AKR1C8: variants seen among roughly 807,000 people sequenced by gnomAD.
The protein encoded by AKR1C8 is aldo-keto reductase family 1 member C-like protein 1.
chr10:5,135,154 C>CA, the AKR1C8 span: 1 of 223,450 alleles, frequency 4.5e-6, no homozygotes, highest in Admixed American at 4.2e-5. Flanking sequence ...TCTGGAGGTA[C>CA]ACAGGTGCCA....
the AKR1C8 span, among the ~76,000 whole-genome samples, chr10:5,137,094 C>T: frequency 0.032 from 4,800 of 152,106 alleles, 257 homozygotes; most frequent in African/African-American, 0.11. Flanking sequence ...TTAATTTAAA[C>T]ATTTTTTGTT....
the AKR1C8 span, among the ~76,000 whole-genome samples, chr10:5,137,566 C>G: frequency 6.6e-6 from 1 of 152,158 alleles, no homozygotes; most frequent in East Asian, 1.9e-4. Context: ...ATGCTAAAAA[C>G]TCTCAATAAA....
At chr10:5,141,910 G>A in the AKR1C8 span, among the ~76,000 whole-genome samples, 1 of 152,100 alleles carries the variant, frequency 6.6e-6, no homozygotes, top group East Asian at 1.9e-4. Context: ...ACTAACACAA[G>A]AGTCAGCCTG....
the AKR1C8 span, among the ~76,000 whole-genome samples, chr10:5,136,490 T>A: frequency 6.6e-6 from 1 of 152,138 alleles, no homozygotes; most frequent in Non-Finnish European, 1.5e-5. Context: ...GAGGCTACAG[T>A]GAGCCAAGGT....
chr10:5,181,216 A>G, the AKR1C8 span, among the ~76,000 whole-genome samples: 404 of 152,326 alleles, frequency 2.7e-3, 1 homozygote, highest in African/African-American at 9.1e-3. Context: ...ATCTCATCTC[A>G]TTGTCAAATT....
the AKR1C8 span, among the ~76,000 whole-genome samples, chr10:5,139,944 T>C: frequency 3.3e-5 from 5 of 151,324 alleles, no homozygotes; most frequent in African/African-American, 1.2e-4. Flanking sequence ...TTAAACAAAT[T>C]CACAAGAAAA....
At chr10:5,145,497 C>T in the AKR1C8 span, among the ~76,000 whole-genome samples, 1 of 151,514 alleles carries the variant, frequency 6.6e-6, no homozygotes, top group South Asian at 2.1e-4. Context: ...AACAAATTTA[C>T]AAGAAAAAAA....
the AKR1C8 span, among the ~76,000 whole-genome samples, chr10:5,183,956 T>C: frequency 6.6e-6 from 1 of 152,222 alleles, no homozygotes; most frequent in African/African-American, 2.4e-5. Context: ...TAGGAAAGTC[T>C]CTTTTTCTTT....
chr10:5,128,361 C>T, the AKR1C8 span, among the ~76,000 whole-genome samples: 1 of 151,998 alleles, frequency 6.6e-6, no homozygotes, highest in Non-Finnish European at 1.5e-5. Flanking sequence ...TCCTATAAAA[C>T]AATAACACAA....
At chr10:5,168,510 C>A in the AKR1C8 span, among the ~76,000 whole-genome samples, 1 of 152,004 alleles carries the variant, frequency 6.6e-6, no homozygotes, top group African/African-American at 2.4e-5. Flanking sequence ...AGACCTTAAA[C>A]AACTAGAGGG....
At chr10:5,161,779 G>C in the AKR1C8 span, 1 of 534,720 alleles carries the variant, frequency 1.9e-6, no homozygotes, top group Non-Finnish European at 3.8e-6. Flanking sequence ...TGGAAACCAA[G>C]CTAGAATTAG....
chr10:5,118,011 A>G, the AKR1C8 span, among the ~76,000 whole-genome samples: 9 of 152,238 alleles, frequency 5.9e-5, no homozygotes, highest in African/African-American at 2.2e-4. Context: ...TTCTTCTTAC[A>G]CGCAAAATGT....
chr10:5,136,614 G>T, the AKR1C8 span, among the ~76,000 whole-genome samples: 1 of 152,140 alleles, frequency 6.6e-6, no homozygotes, highest in Non-Finnish European at 1.5e-5. Flanking sequence ...TGTGTAAAAT[G>T]ATATCTTAAT....
At chr10:5,138,807 A>G in the AKR1C8 span, among the ~76,000 whole-genome samples, 1 of 152,114 alleles carries the variant, frequency 6.6e-6, no homozygotes, top group Admixed American at 6.6e-5. Flanking sequence ...CATAGGAGCA[A>G]GAGAAATCAG....
At chr10:5,171,061 ATTAAT>A in the AKR1C8 span, among the ~76,000 whole-genome samples, 3 of 152,140 alleles carry the variant, frequency 2.0e-5, no homozygotes, top group African/African-American at 2.4e-5. Flanking sequence ...TTAGCTTCCT[ATTAAT>A]TTAATTTATG....
the AKR1C8 span, among the ~76,000 whole-genome samples, chr10:5,150,412 T>C: frequency 6.6e-6 from 1 of 151,874 alleles, no homozygotes; most frequent in Non-Finnish European, 1.5e-5. Context: ...GAATATATAC[T>C]AAGATATATC....
the AKR1C8 span, among the ~76,000 whole-genome samples, chr10:5,176,966 T>C: frequency 6.6e-6 from 1 of 152,128 alleles, no homozygotes; most frequent in African/African-American, 2.4e-5. Flanking sequence ...GAATACCCTT[T>C]ATTTCCTTCT....
At chr10:5,117,044 T>A in the AKR1C8 span, among the ~76,000 whole-genome samples, 1 of 152,148 alleles carries the variant, frequency 6.6e-6, no homozygotes, top group Non-Finnish European at 1.5e-5. Flanking sequence ...AGAACAGTTT[T>A]TACATTTTTA....
the AKR1C8 span, among the ~76,000 whole-genome samples, chr10:5,128,410 A>G: frequency 6.6e-6 from 1 of 152,146 alleles, no homozygotes; most frequent in South Asian, 2.1e-4. Flanking sequence ...AATTGAAATG[A>G]TGAAAAGAAC....
Sources: allele counts gnomAD v4.1 joint callset (sites outside exome capture counted in the v4.1 genomes callset), GRCh38; gene constraint gnomAD v4.1.1; transcripts MANE v1.5; gene names NCBI Gene and HGNC (gene_info 2026-07-23, HGNC 2026-07-21).